The following GSG1L variants were observed in gnomAD, a reference collection of about 807,000 sequenced individuals.
The protein encoded by GSG1L is GSG1 like.
In GSG1L, 24 loss-of-function variants were observed where a neutral mutation model predicts 42.1. The ratio of observed to expected loss-of-function variants is 0.57; its 90% CI spans 0.41 to 0.80. GSG1L has a LOEUF of 0.80. Among genes scored for constraint, GSG1L ranks in the 30% least tolerant of loss-of-function variants. GSG1L has a pLI of 0.00. For synonymous variants in GSG1L, 215 were observed against 203.5 expected, an observed-to-expected ratio of 1.06 and a Z score of -0.48; for missense variants, 445 against 472.2, an observed-to-expected ratio of 0.94 and a Z score of 0.53.
intron 2 of GSG1L, among the ~76,000 whole-genome samples, chr16:27,943,256 G>T (rs1207170637): frequency 6.6e-6 from 1 of 152,014 alleles, no homozygotes; most frequent in East Asian, 1.9e-4. Flanking sequence ...AGGTGATGCT[G>T]ATTCCACCAG....
intron 1 of GSG1L, among the ~76,000 whole-genome samples, chr16:28,001,697 T>C (rs1205110421): frequency 1.3e-5 from 2 of 152,066 alleles, no homozygotes; most frequent in Admixed American, 6.6e-5. Flanking sequence ...ACAAATGGGG[T>C]TCCTCCTGGA....
At chr16:27,834,065 G>A (rs996443244) in intron 4 of GSG1L, among the ~76,000 whole-genome samples, 8 of 152,116 alleles carry the variant, frequency 5.3e-5, no homozygotes, top group Non-Finnish European at 8.8e-5. Context: ...AATGTTAGCT[G>A]TAGATGTTTT....
At chr16:27,831,902 C>T (rs1188574560) in intron 4 of GSG1L, among the ~76,000 whole-genome samples, 1 of 152,188 alleles carries the variant, frequency 6.6e-6, no homozygotes, top group Non-Finnish European at 1.5e-5. Flanking sequence ...CCTACCTCCC[C>T]CATTGCCTTC....
At position 27,901,060 on chromosome 16, in the gene GSG1L, G is replaced by A. The variant is rs548030611; in HGVS notation, c.398-16422C>T. ...GGAGAATTCCTCAAACCCGGGAGGTGGAGATTGCAGTGAGCTGAGATCACA... is the reference window on the plus strand; with the variant it reads ...GGAGAATTCCTCAAACCCGGGAGGTAGAGATTGCAGTGAGCTGAGATCACA... On this transcript the variant is annotated intron_variant, in intron 2 of 6. Transcript: ENST00000447459. 3.3e-5 allele frequency among the ~76,000 whole-genome samples: 5 copies of A among 152,290 alleles called. No homozygotes were observed. The East Asian group carries it at 7.7e-4, about 24-fold the overall frequency.
At chr16:27,831,086 G>A (rs868781000) in intron 4 of GSG1L, among the ~76,000 whole-genome samples, 1 of 152,340 alleles carries the variant, frequency 6.6e-6, no homozygotes, top group South Asian at 2.1e-4. Flanking sequence ...CATGACCCAA[G>A]TCAGGTTCAT....
At chr16:27,966,644 T>C (rs2085137598) in intron 1 of GSG1L, among the ~76,000 whole-genome samples, 2 of 152,130 alleles carry the variant, frequency 1.3e-5, no homozygotes, top group Admixed American at 1.3e-4. Flanking sequence ...CTCCCAGGCC[T>C]CCCTGATGCC....
At chr16:27,957,800 G>A (rs754792420) in intron 2 of GSG1L, among the ~76,000 whole-genome samples, 17 of 152,266 alleles carry the variant, frequency 1.1e-4, no homozygotes, top group East Asian at 7.7e-4. Context: ...TAAGCATGGC[G>A]CCAGCATCTG....
intron 2 of GSG1L, among the ~76,000 whole-genome samples, chr16:27,916,079 G>A (rs1051368932): frequency 2.6e-5 from 4 of 152,152 alleles, no homozygotes; most frequent in African/African-American, 9.7e-5. Context: ...AGCTCACCTG[G>A]AAGGTTATGG....
chr16:27,862,804 C>A (rs1323011461), intron 3 of GSG1L, among the ~76,000 whole-genome samples: 2 of 152,228 alleles, frequency 1.3e-5, no homozygotes, highest in African/African-American at 2.4e-5. Context: ...TATACACAGA[C>A]ACACGCATGA....
chr16:27,807,625 A>G, intron 5 of GSG1L, 71 bp from the exon 6 acceptor site: 18 of 1,360,612 alleles, frequency 1.3e-5, no homozygotes, highest in Non-Finnish European at 1.5e-5. Context: ...GAGACCCAAA[A>G]CCTGAAAAAG....
At chr16:27,900,129 A>G (rs1159492962) in intron 2 of GSG1L, among the ~76,000 whole-genome samples, 1 of 152,114 alleles carries the variant, frequency 6.6e-6, no homozygotes, top group Non-Finnish European at 1.5e-5. Flanking sequence ...AAACCCAGAC[A>G]CTGTTTCCTG....
At chr16:28,019,492 G>A (rs1036657199) in intron 1 of GSG1L, among the ~76,000 whole-genome samples, 1 of 152,170 alleles carries the variant, frequency 6.6e-6, no homozygotes, top group Non-Finnish European at 1.5e-5. Flanking sequence ...AAGTTTTCAC[G>A]AGTAGCCATT....
At chr16:27,911,204 C>A (rs1395944094) in intron 2 of GSG1L, among the ~76,000 whole-genome samples, 1 of 151,808 alleles carries the variant, frequency 6.6e-6, no homozygotes, top group Non-Finnish European at 1.5e-5. Context: ...ACCAAGCCCA[C>A]TGTTTGTGTA....
At chr16:27,893,931 T>C (rs1306070766) in intron 2 of GSG1L, among the ~76,000 whole-genome samples, 2 of 152,206 alleles carry the variant, frequency 1.3e-5, no homozygotes, top group African/African-American at 4.8e-5. Context: ...TTTCTTATTT[T>C]TTCTAGAGAC....
At chr16:27,948,525 C>G (rs1167266903) in intron 2 of GSG1L, among the ~76,000 whole-genome samples, 2 of 151,970 alleles carry the variant, frequency 1.3e-5, no homozygotes, top group Admixed American at 6.6e-5. Flanking sequence ...AGGCACCCAC[C>G]ACCACGCCCA....
At chr16:27,984,079 G>A (rs150293511) in intron 1 of GSG1L, among the ~76,000 whole-genome samples, 1,749 of 152,310 alleles carry the variant, frequency 0.011, 16 homozygotes, top group Non-Finnish European at 0.018. Flanking sequence ...GCTACGCATG[G>A]TTTTTATCCT....
intron 2 of GSG1L, among the ~76,000 whole-genome samples, chr16:27,887,531 G>A (rs2084044657): frequency 2.6e-5 from 4 of 152,190 alleles, no homozygotes; most frequent in East Asian, 1.9e-4. Flanking sequence ...TCACAACCAG[G>A]AGTCCTTATC....
At chr16:27,819,422 C>T (rs1016788492) in intron 5 of GSG1L, among the ~76,000 whole-genome samples, 5 of 152,152 alleles carry the variant, frequency 3.3e-5, no homozygotes, top group Non-Finnish European at 7.4e-5. Context: ...AGGAGTCCCT[C>T]CACCCATAAA....
intron 5 of GSG1L, among the ~76,000 whole-genome samples, chr16:27,812,978 C>T (rs1036836561): frequency 6.6e-6 from 1 of 152,064 alleles, no homozygotes; most frequent in Admixed American, 6.6e-5. Flanking sequence ...CGGGGTTTCA[C>T]CATGCTGCCC....
Sources: gnomAD v4.1 joint callset for allele counts (sites outside exome capture counted in the v4.1 genomes callset) on GRCh38, gnomAD v4.1.1 for gene constraint, MANE v1.5 for transcripts, NCBI Gene and HGNC (gene_info 2026-07-23, HGNC 2026-07-21) for gene names.